Variants in GSK3B observed in about 807,000 individuals in gnomAD.
The protein encoded by GSK3B is glycogen synthase kinase-3 beta.
In GSK3B, 15 loss-of-function variants were observed where a neutral mutation model predicts 56.4. That is an observed-to-expected ratio of 0.27 (90% confidence interval 0.18 to 0.41). The LOEUF (loss-of-function observed/expected upper bound fraction) is 0.41, where lower values mean the gene tolerates loss of function less well. Among genes scored for constraint, GSK3B ranks in the 10% least tolerant of loss-of-function variants. The pLI is 1.00. For missense variants in GSK3B, 300 were observed against 513.4 expected (o/e 0.58, Z 4.02); for synonymous variants, 181 against 188.9 (o/e 0.96, Z 0.34).
intron 2 of GSK3B, among the ~76,000 whole-genome samples, chr3:119,982,556 G>A (rs910346451): frequency 7.2e-5 from 11 of 152,284 alleles, no homozygotes; most frequent in Admixed American, 2.6e-4. Context: ...GCACAAGAAC[G>A]TCATGACATA....
At chr3:119,896,673 T>A (rs1041911648) in intron 7 of GSK3B, among the ~76,000 whole-genome samples, 3 of 152,202 alleles carry the variant, frequency 2.0e-5, no homozygotes, top group African/African-American at 7.2e-5. Context: ...AGCCAACTAT[T>A]AAGAATCATT....
intron 8 of GSK3B, among the ~76,000 whole-genome samples, chr3:119,868,438 A>G (rs1352954149): frequency 6.6e-6 from 1 of 152,242 alleles, no homozygotes; most frequent in Non-Finnish European, 1.5e-5. Context: ...TTTCTGCCCT[A>G]CATGTCCTAG....
chr3:120,046,696 C>T (rs2058106431), intron 1 of GSK3B, among the ~76,000 whole-genome samples: 1 of 152,130 alleles, frequency 6.6e-6, no homozygotes, highest in Admixed American at 6.5e-5. Context: ...GCAACCTCTG[C>T]CTCCTAGGTT....
rs888661715 is a variant in GSK3B at position 119,902,685 on chromosome 3, C to T, written c.813+3070G>A. On this transcript the variant is annotated intron_variant, in intron 7 of 10. Coordinates refer to ENST00000264235, the MANE Select transcript of GSK3B (RefSeq NM_001146156.2). ...GTGTTGGGATTACAGGTGTTAGCCA[C>T]CACGCTTGGCTGTGATATTTATTAT... Among the ~76,000 whole-genome samples, 6 of 152,116 alleles carry T rather than the reference C, an allele frequency of 3.9e-5. No homozygotes were observed. The South Asian group carries it at 1.2e-3, about 32-fold the overall frequency.
Position 120,000,589 on chromosome 3 carries a change from T to C in GSK3B, c.282+1457A>G, listed in dbSNP as rs958376055. On this transcript the variant is annotated intron_variant, in intron 2 of 10. Transcript: ENST00000264235. ...TACATTGGAGGCTCCCACTAAAATG[T>C]TGCAGAGGTTGGAAGAGTAGTAAAG... Among the ~76,000 whole-genome samples the C allele has an allele frequency of 4.6e-5, 7 of 152,274 alleles. No homozygotes were observed. The East Asian group carries it at 5.8e-4, about 13-fold the overall frequency.
chr3:119,875,498 GACACACACACACACAC>G (rs66880409), intron 8 of GSK3B, among the ~76,000 whole-genome samples: 4,159 of 144,952 alleles, frequency 0.029, 71 homozygotes, highest in Non-Finnish European at 0.036. Flanking sequence ...GGTAACCCGT[GACACACACACACACAC>G]ACACACACAC....
intron 1 of GSK3B, among the ~76,000 whole-genome samples, chr3:120,077,724 T>A (rs2058379458): frequency 6.6e-6 from 1 of 152,160 alleles, no homozygotes; most frequent in African/African-American, 2.4e-5. Context: ...GCCATTTTAT[T>A]ATAATATGTA....
intron 3 of GSK3B, among the ~76,000 whole-genome samples, chr3:119,937,577 T>C (rs2057007511): frequency 6.6e-6 from 1 of 151,848 alleles, no homozygotes. Context: ...ACAAGAAAAA[T>C]TTTTACATAG....
chr3:119,997,787 AT>A (rs1050485070), intron 2 of GSK3B, among the ~76,000 whole-genome samples: 1 of 152,340 alleles, frequency 6.6e-6, no homozygotes, highest in East Asian at 1.9e-4. Context: ...AGAAAATCCA[AT>A]GTATATATGG....
rs958270959 is a variant in GSK3B at position 119,915,598 on chromosome 3, G to A, written c.608+446C>T. Among the ~76,000 whole-genome samples the A allele has an allele frequency of 7.9e-5, 12 of 151,920 alleles. 1 individual carries two copies. Among genetic ancestry groups the A allele is most frequent in the Middle Eastern group, 3.4e-3 (1 of 294 alleles). On this transcript the variant is annotated intron_variant, in intron 5 of 10. Coordinates refer to ENST00000264235, the MANE Select transcript of GSK3B (RefSeq NM_001146156.2). ...TCTGTATGTTTTTAAAACATAAAAG[G>A]TGGCATACAATACATATACTCTTGA...
chr3:119,847,313 T>C (rs543587737), intron 9 of GSK3B, among the ~76,000 whole-genome samples: 1 of 150,902 alleles, frequency 6.6e-6, no homozygotes, highest in South Asian at 2.1e-4. Flanking sequence ...AGAATAAGTT[T>C]AAAAAAAAAT....
chr3:119,880,470 A>C (rs1288905205), intron 7 of GSK3B, among the ~76,000 whole-genome samples: 1 of 152,048 alleles, frequency 6.6e-6, no homozygotes, highest in African/African-American at 2.4e-5. Flanking sequence ...TGTGGTCCCT[A>C]TGTGTAGTTT....
chr3:119,904,117 T>A (rs1027258949), intron 7 of GSK3B, among the ~76,000 whole-genome samples: 3 of 152,166 alleles, frequency 2.0e-5, no homozygotes, highest in Non-Finnish European at 4.4e-5. Flanking sequence ...TTATTATACC[T>A]CTAACTTCAT....
chr3:119,951,954 T>TAA (rs536904299), intron 2 of GSK3B, among the ~76,000 whole-genome samples: 3 of 141,774 alleles, frequency 2.1e-5, no homozygotes, highest in Non-Finnish European at 3.1e-5. Flanking sequence ...GAGATGGCAT[T>TAA]AAAAAAAAAA....
At chr3:120,023,973 G>T (rs945303475) in intron 1 of GSK3B, among the ~76,000 whole-genome samples, 6 of 152,290 alleles carry the variant, frequency 3.9e-5, no homozygotes, top group Non-Finnish European at 5.9e-5. Context: ...CAACTTTTCA[G>T]GTAGGGTAAA....
At chr3:120,089,252 C>T (rs984314518) in intron 1 of GSK3B, among the ~76,000 whole-genome samples, 1 of 152,164 alleles carries the variant, frequency 6.6e-6, no homozygotes, top group Non-Finnish European at 1.5e-5. Context: ...ACTGTCACTT[C>T]ACAATTAGCA....
chr3:120,086,846 T>C (rs1383160575), intron 1 of GSK3B, among the ~76,000 whole-genome samples: 1 of 152,016 alleles, frequency 6.6e-6, no homozygotes, highest in African/African-American at 2.4e-5. Flanking sequence ...TCAACAATTA[T>C]CAGAATGATT....
intron 1 of GSK3B, among the ~76,000 whole-genome samples, chr3:120,012,031 T>C (rs2057783150): frequency 6.6e-6 from 1 of 152,188 alleles, no homozygotes; most frequent in African/African-American, 2.4e-5. Context: ...AAGGATCAGC[T>C]CCAGAGTAAT....
intron 1 of GSK3B, among the ~76,000 whole-genome samples, chr3:120,074,609 CCCA>C (rs2058354462): frequency 6.6e-6 from 1 of 152,060 alleles, no homozygotes; most frequent in Admixed American, 6.5e-5. Context: ...AGCCACCACA[CCCA>C]GCGCTGAGAA....
Sources: allele counts gnomAD v4.1 joint callset (sites outside exome capture counted in the v4.1 genomes callset), GRCh38; gene constraint gnomAD v4.1.1; transcripts MANE v1.5; gene names NCBI Gene and HGNC (gene_info 2026-07-23, HGNC 2026-07-21).